The following RYR3 variants were observed in gnomAD, a reference collection of about 807,000 sequenced individuals.
RYR3 encodes ryanodine receptor 3.
A neutral mutation model predicts 584.3 loss-of-function variants in RYR3; 207 were observed. The observed-to-expected ratio is 0.35, with a 90% confidence interval of 0.32 to 0.40. RYR3 has a LOEUF of 0.40. Among genes scored for constraint, RYR3 ranks in the 10% least tolerant of loss-of-function variants. The probability of loss-of-function intolerance (pLI) is 1.00; values close to 1 mark genes in which losing one functional copy is unlikely to be tolerated. For synonymous variants in RYR3, 2,416 were observed against 2,248.5 expected (o/e 1.07, Z -2.11); for missense variants, 5,616 against 6,089.2 (o/e 0.92, Z 2.59).
At chr15:33,343,990 A>G (rs1972134749) in intron 1 of RYR3, among the ~76,000 whole-genome samples, 1 of 152,200 alleles carries the variant, frequency 6.6e-6, no homozygotes, top group Non-Finnish European at 1.5e-5. Context: ...ATCTTATTTT[A>G]AGATTAAGAA....
rs1418564741 is a variant in RYR3, at chr15:33,635,785, C to A, written c.3347C>A (p.Ala1116Asp). The A allele has an allele frequency of 6.2e-7, 1 of 1,613,328 alleles. No homozygotes were observed. The highest frequency in any genetic ancestry group is 1.3e-5 in the African/African-American group (1 of 75,048). ...TGTCGACCTGATGTCGAGCTGGGGG[C>A]CGATGACCAAGCCTTTGTGTTTGAA... ...PGCRPDVELG[A>D]DDQAFVFEGN... The change falls in exon 26 of 104, where the codon GCC becomes GAC. Residue 1116 changes from alanine to aspartate, a missense_variant. Around this residue, in one of 9 missense-constraint regions of RYR3, gnomAD observed 152 missense variants for 200.9 expected, o/e 0.76. Transcript: ENST00000634891.
At position 33,662,958 on chromosome 15, in the gene RYR3, A is replaced by G; in HGVS notation, c.5418+10A>G. 8.1e-6 allele frequency: 13 copies of G among 1,607,818 alleles called. No individual in the cohort carries two copies. The highest frequency in any genetic ancestry group is 1.1e-5 in the Non-Finnish European group (13 of 1,176,834). On this transcript the variant is annotated intron_variant, in intron 35 of 103. Coordinates refer to ENST00000634891, the MANE Select transcript of RYR3 (RefSeq NM_001036.6). Reference sequence around the variant, plus strand: ...ATCCGTCAAGCTGCAGGTAAGCTGCAGGTGGTTAAGTGGAGGCAGGTTAAT... The same window carrying G: ...ATCCGTCAAGCTGCAGGTAAGCTGCGGGTGGTTAAGTGGAGGCAGGTTAAT...
intron 48 of RYR3, among the ~76,000 whole-genome samples, chr15:33,732,225 C>CAA (rs34543725): frequency 3.8e-5 from 5 of 132,934 alleles, no homozygotes; most frequent in Non-Finnish European, 6.5e-5. Flanking sequence ...ACTAAAAATA[C>CAA]AAAAAAAAAA....
intron 13 of RYR3, among the ~76,000 whole-genome samples, chr15:33,581,038 C>T (rs1327937525): frequency 5.1e-5 from 1 of 19,430 alleles, no homozygotes. Flanking sequence ...CCTTTTTTTG[C>T]AGGGGGCCGG....
In RYR3 at chr15:33,663,586, T is replaced by C. The variant is rs1233183254; in HGVS notation, c.5468T>C (p.Val1823Ala). Residue 1823 changes from valine to alanine, a missense_variant, in exon 36 of 104, where the codon GTG becomes GCG. By Grantham distance (64) the Val-to-Ala change is moderately conservative. Coordinates refer to ENST00000634891, the MANE Select transcript of RYR3 (RefSeq NM_001036.6). ...YLCDCELQHR[V>A]EAIVAFGDIY... ...TGCGACTGTGAGCTGCAGCACCGAG[T>C]GGAGGCCATTGTGGCATTTGGTGAC... 6.2e-7 allele frequency: 1 copy of C among 1,613,786 alleles called. No homozygotes were observed. The highest frequency in any genetic ancestry group is 1.3e-5 in the African/African-American group (1 of 74,996).
intron 91 of RYR3, 137 bp downstream of exon 91, chr15:33,842,172 C>T (rs2078412312): frequency 1.0e-6 from 1 of 970,570 alleles, no homozygotes; most frequent in Non-Finnish European, 1.5e-6. Context: ...TTCTTCTTCC[C>T]ATGTGTCTAC....
intron 66 of RYR3, among the ~76,000 whole-genome samples, chr15:33,787,102 C>T (rs2074779175): frequency 2.0e-5 from 3 of 152,316 alleles, no homozygotes; most frequent in Admixed American, 2.0e-4. Context: ...AACGTGAAGG[C>T]CACTGATGGA....
At chr15:33,858,496 T>A (rs571205284) in intron 99 of RYR3, 1 of 147,834 alleles carries the variant, frequency 6.8e-6, no homozygotes, top group Non-Finnish European at 1.5e-5. Flanking sequence ...CGTGAGCCAC[T>A]GCACCTGGCC....
At chr15:33,569,174 G>T (rs1192911228) in intron 12 of RYR3, among the ~76,000 whole-genome samples, 1 of 152,170 alleles carries the variant, frequency 6.6e-6, no homozygotes, top group Non-Finnish European at 1.5e-5. Flanking sequence ...TAGTGTAAAA[G>T]TTTTCAGATA....
Position 33,818,618 on chromosome 15 carries a change from A to G in RYR3, c.10640A>G (p.Glu3547Gly). Residue 3547 changes from glutamate to glycine, a missense_variant, in exon 76 of 104, where the codon GAA becomes GGA. This residue lies in a region of RYR3 where 954 missense variants were observed against 1,132.2 expected (regional missense o/e 0.84). Transcript: ENST00000634891. ...KVEEEEEEET[E>G]KQPDPLHQII... Reference sequence around the variant, plus strand: ...GAAGAGGAGGAGGAGGAAGAGACAGAAAAACAACCTGACCCACTACATCAG... The same window carrying G: ...GAAGAGGAGGAGGAGGAAGAGACAGGAAAACAACCTGACCCACTACATCAG... 1.2e-6 allele frequency: 2 copies of G among 1,613,974 alleles called. No homozygotes were observed. The highest frequency in any genetic ancestry group is 1.7e-6 in the Non-Finnish European group (2 of 1,179,870).
intron 67 of RYR3, among the ~76,000 whole-genome samples, chr15:33,790,417 C>T (rs2075086030): frequency 6.6e-6 from 1 of 152,070 alleles, no homozygotes; most frequent in South Asian, 2.1e-4. Flanking sequence ...AGGTAGAGCC[C>T]TTGGAATTTC....
chr15:33,710,855 A>G (rs1273381319), intron 43 of RYR3, among the ~76,000 whole-genome samples: 3 of 152,216 alleles, frequency 2.0e-5, no homozygotes, highest in African/African-American at 7.2e-5. Flanking sequence ...CAGCCAGGAT[A>G]TATGGGGAGC....
chr15:33,811,109 T>C (rs562244112), intron 72 of RYR3, 72 bp downstream of exon 72: 10 of 1,230,860 alleles, frequency 8.1e-6, no homozygotes, highest in African/African-American at 3.0e-5. Context: ...GCTTTTCACT[T>C]CATTTACTCA....
intron 66 of RYR3, 107 bp downstream of exon 66, chr15:33,786,089 A>G (rs1260441043): frequency 3.0e-6 from 3 of 997,330 alleles, no homozygotes; most frequent in Non-Finnish European, 4.3e-6. Flanking sequence ...GCTCTATTCT[A>G]TATTTAAACC....
At chr15:33,644,062 A>C (rs2061970188) in intron 27 of RYR3, among the ~76,000 whole-genome samples, 2 of 152,056 alleles carry the variant, frequency 1.3e-5, no homozygotes, top group Admixed American at 1.3e-4. Context: ...TCTTAACTGG[A>C]TCATCGTTTT....
At chr15:33,424,620 CT>C (rs2044470779) in intron 1 of RYR3, among the ~76,000 whole-genome samples, 1 of 152,168 alleles carries the variant, frequency 6.6e-6, no homozygotes, top group Non-Finnish European at 1.5e-5. Context: ...GGAAATTATC[CT>C]TTCTCTGAAG....
chr15:33,510,810 C>A (rs1358333877), intron 3 of RYR3, among the ~76,000 whole-genome samples: 1 of 152,082 alleles, frequency 6.6e-6, no homozygotes, highest in Non-Finnish European at 1.5e-5. Context: ...TCCTCTTCCC[C>A]CTTTCCTTTC....
At chr15:33,781,682 T>C (rs2074386875) in intron 65 of RYR3, among the ~76,000 whole-genome samples, 1 of 152,114 alleles carries the variant, frequency 6.6e-6, no homozygotes, top group Non-Finnish European at 1.5e-5. Flanking sequence ...CTAATAAAAA[T>C]CTTTCACTGA....
chr15:33,835,169 A>C, intron 87 of RYR3, 97 bp downstream of exon 87: 1 of 926,566 alleles, frequency 1.1e-6, no homozygotes. Flanking sequence ...GCTTGATCAA[A>C]GGCTGGACAA....
Sources: gnomAD v4.1 joint callset for allele counts (sites outside exome capture counted in the v4.1 genomes callset) on GRCh38, gnomAD v4.1.1 for gene constraint, gnomAD v4.1.1 regional missense constraint, MANE v1.5 for transcripts, NCBI Gene and HGNC (gene_info 2026-07-23, HGNC 2026-07-21) for gene names.